Variants in GLIS3 observed in about 807,000 individuals in gnomAD.
GLIS3 encodes zinc finger protein GLIS3.
A neutral mutation model predicts 78.6 loss-of-function variants in GLIS3; 53 were observed. The ratio of observed to expected loss-of-function variants is 0.67; its 90% CI spans 0.54 to 0.85. The LOEUF (loss-of-function observed/expected upper bound fraction) is 0.85. Among genes scored for constraint, GLIS3 ranks in the 40% least tolerant of loss-of-function variants. GLIS3 has a pLI of 0.00. For synonymous variants in GLIS3, 684 were observed against 509.9 expected (o/e 1.34, Z -4.60); for missense variants, 1,703 against 1,231.1 (o/e 1.38, Z -5.74).
At chr9:4,176,160 A>C (rs927559732) in intron 2 of GLIS3, among the ~76,000 whole-genome samples, 3 of 152,142 alleles carry the variant, frequency 2.0e-5, no homozygotes, top group Non-Finnish European at 4.4e-5. Context: ...CAGAATCAAG[A>C]TCTGGTGGCA....
chr9:4,221,031 T>C (rs966615824), intron 2 of GLIS3, among the ~76,000 whole-genome samples: 1 of 152,150 alleles, frequency 6.6e-6, no homozygotes, highest in African/African-American at 2.4e-5. Flanking sequence ...TGGATCTTAG[T>C]GCAAAAAGGA....
At chr9:4,079,083 T>G (rs958141592) in intron 4 of GLIS3, among the ~76,000 whole-genome samples, 1 of 152,218 alleles carries the variant, frequency 6.6e-6, no homozygotes, top group Non-Finnish European at 1.5e-5. Context: ...AAAGGAGGGT[T>G]TCCTGCACTC....
intron 7 of GLIS3, among the ~76,000 whole-genome samples, chr9:3,892,194 G>A (rs1265474836): frequency 1.1e-4 from 16 of 152,098 alleles, no homozygotes; most frequent in Admixed American, 8.5e-4. Flanking sequence ...CGGGACTGGA[G>A]TCTCAGGAGC....
chr9:4,303,377 G>A (rs1817143919), upstream of GLIS3, among the ~76,000 whole-genome samples: 1 of 151,962 alleles, frequency 6.6e-6, no homozygotes, highest in Non-Finnish European at 1.5e-5. Flanking sequence ...TGTGTAAAAT[G>A]GAAAATTTCC....
chr9:4,467,660 T>G, the GLIS3 span, among the ~76,000 whole-genome samples: 1 of 151,970 alleles, frequency 6.6e-6, no homozygotes, highest in Non-Finnish European at 1.5e-5. Context: ...CAAAGGTAGA[T>G]AAAACCACAA....
At chr9:4,342,623 AT>A (rs1233232730) in intron 2 of GLIS3, among the ~76,000 whole-genome samples, 2 of 152,176 alleles carry the variant, frequency 1.3e-5, no homozygotes, top group Non-Finnish European at 2.9e-5. Flanking sequence ...TTCTTTTCTA[AT>A]TCTGTGAAGA....
chr9:4,463,714 G>T, the GLIS3 span, among the ~76,000 whole-genome samples: 1,176 of 152,284 alleles, frequency 7.7e-3, 10 homozygotes, highest in African/African-American at 0.027. Context: ...GGTCAAAGAT[G>T]CAGGATGCCT....
intron 2 of GLIS3, among the ~76,000 whole-genome samples, chr9:4,157,402 C>T (rs1218272120): frequency 6.6e-6 from 1 of 152,106 alleles, no homozygotes; most frequent in East Asian, 1.9e-4. Context: ...TTGAAAAAGG[C>T]CCACATGAAT....
chr9:4,125,223 C>A (rs1832482075), intron 3 of GLIS3, among the ~76,000 whole-genome samples: 1 of 152,300 alleles, frequency 6.6e-6, no homozygotes, highest in Non-Finnish European at 1.5e-5. Context: ...CTCTACTAGG[C>A]CCCTAAACTT....
At chr9:4,316,041 T>C (rs1006516937) in intron 2 of GLIS3, among the ~76,000 whole-genome samples, 1 of 152,216 alleles carries the variant, frequency 6.6e-6, no homozygotes, top group African/African-American at 2.4e-5. Flanking sequence ...ATGATCACAA[T>C]GGAAATTTTA....
At chr9:4,476,914 C>CAA in the GLIS3 span, among the ~76,000 whole-genome samples, 2 of 152,016 alleles carry the variant, frequency 1.3e-5, no homozygotes, top group African/African-American at 4.8e-5. Flanking sequence ...AATATAATAA[C>CAA]AAATATTGGT....
chr9:4,072,804 T>C (rs527757822), intron 4 of GLIS3, among the ~76,000 whole-genome samples: 12 of 152,082 alleles, frequency 7.9e-5, no homozygotes, highest in South Asian at 2.1e-4. Flanking sequence ...CTTTCTTCTA[T>C]ATAAGTAGAA....
chr9:4,085,406 C>T (rs1338366144), intron 4 of GLIS3, among the ~76,000 whole-genome samples: 4 of 152,148 alleles, frequency 2.6e-5, no homozygotes, highest in South Asian at 2.1e-4. Flanking sequence ...GAGCTCACCA[C>T]TTCTCCTTCT....
chr9:4,432,412 G>A, the GLIS3 span, among the ~76,000 whole-genome samples: 6 of 152,130 alleles, frequency 3.9e-5, no homozygotes, highest in African/African-American at 1.4e-4. Flanking sequence ...GTTGTAGGCT[G>A]AGTAAGCGCA....
chr9:4,328,275 G>C (rs950230243), intron 2 of GLIS3, among the ~76,000 whole-genome samples: 1 of 152,286 alleles, frequency 6.6e-6, no homozygotes, highest in East Asian at 1.9e-4. Context: ...AGGTAGCTTG[G>C]ATCATGCTGT....
At chr9:4,390,778 A>T in the GLIS3 span, among the ~76,000 whole-genome samples, 4 of 152,144 alleles carry the variant, frequency 2.6e-5, no homozygotes, top group Non-Finnish European at 5.9e-5. Flanking sequence ...ACCTCTCCTT[A>T]TCCTAACTTT....
At chr9:4,336,318 A>G (rs1365460220) in intron 2 of GLIS3, among the ~76,000 whole-genome samples, 1 of 152,160 alleles carries the variant, frequency 6.6e-6, no homozygotes, top group Non-Finnish European at 1.5e-5. Context: ...TAAGCTATCT[A>G]TCCACTAAGC....
chr9:4,065,274 C>T (rs1245453422), intron 4 of GLIS3, among the ~76,000 whole-genome samples: 1 of 152,048 alleles, frequency 6.6e-6, no homozygotes, highest in East Asian at 1.9e-4. Context: ...AGCAACACAG[C>T]CCAAGGCAGA....
chr9:3,974,810 C>T (rs1052845199), intron 4 of GLIS3, among the ~76,000 whole-genome samples: 22 of 152,168 alleles, frequency 1.4e-4, no homozygotes, highest in South Asian at 1.0e-3. Context: ...GTATGCAGTT[C>T]GCTCAGGCAA....
Sources: gnomAD v4.1 joint callset for allele counts (sites outside exome capture counted in the v4.1 genomes callset) on GRCh38, gnomAD v4.1.1 for gene constraint, MANE v1.5 for transcripts, NCBI Gene and HGNC (gene_info 2026-07-23, HGNC 2026-07-21) for gene names.